ACOX3: variants seen among roughly 807,000 people sequenced by gnomAD.
The protein encoded by ACOX3 is peroxisomal acyl-coenzyme A oxidase 3.
ACOX3 carries 73 observed loss-of-function variants against 81.5 expected under a neutral mutation model. The ratio of observed to expected loss-of-function variants is 0.90; its 90% confidence interval spans 0.74 to 1.09. ACOX3 has a LOEUF of 1.09. Ranked by LOEUF, ACOX3 falls within the 50% of genes least tolerant of loss-of-function variation. The probability of loss-of-function intolerance (pLI) is 0.00; values close to 1 mark genes in which losing one functional copy is unlikely to be tolerated. For missense variants in ACOX3, 947 were observed against 928.0 expected (o/e 1.02, Z -0.27); for synonymous variants, 387 against 375.1 (o/e 1.03, Z -0.37).
In ACOX3 at chr4:8,430,162, C is replaced by T. The variant is rs1029217984; in HGVS notation, c.-15+10486G>A. Among the ~76,000 whole-genome samples the T allele has an allele frequency of 6.6e-6, 1 of 152,200 alleles. No homozygotes were observed. Among genetic ancestry groups the T allele is most frequent in the African/African-American group, 2.4e-5 (1 of 41,436 alleles). On this transcript the variant is annotated intron_variant, in intron 1 of 17. Transcript: ENST00000356406. This position sits in a 1 kb window ranked among gnomAD's most constrained non-coding sequence, Gnocchi z 5.2. ...GATTCCATGGCAACATTTTTCTTCA[C>T]AGTTATTACTGTTATTTAAACAGAC...
chr4:8,411,874 C>T (rs1023312039), intron 5 of ACOX3, among the ~76,000 whole-genome samples: 1 of 152,250 alleles, frequency 6.6e-6, no homozygotes, highest in African/African-American at 2.4e-5. Context: ...ACAACAGGTA[C>T]CCAGCAATGC....
chr4:8,357,136 C>G, the ACOX3 span: 2 of 456,156 alleles, frequency 4.4e-6, no homozygotes, highest in South Asian at 3.1e-5. Context: ...AAGATGATCC[C>G]GGCAGGTGAG....
intron 9 of ACOX3, 53 bp downstream of exon 9, chr4:8,396,884 G>T: frequency 1.9e-6 from 3 of 1,571,694 alleles, no homozygotes; most frequent in Non-Finnish European, 2.6e-6. Context: ...TAAAAGAAGT[G>T]AATTTGCATA....
At chr4:8,388,675 C>T (rs1052258054) in intron 13 of ACOX3, among the ~76,000 whole-genome samples, 1 of 152,220 alleles carries the variant, frequency 6.6e-6, no homozygotes, top group Non-Finnish European at 1.5e-5. Context: ...CCACCGCACC[C>T]ACAGGAGATG....
chr4:8,422,023 G>A (rs1159164893), intron 1 of ACOX3, among the ~76,000 whole-genome samples: 1 of 152,224 alleles, frequency 6.6e-6, no homozygotes, highest in African/African-American at 2.4e-5. Context: ...AAAGCGAATT[G>A]AGTAAATTAA....
Position 8,406,143 on chromosome 4 carries a change from A to G in ACOX3, c.688-100T>C, listed in dbSNP as rs995691777. On this transcript the variant is annotated intron_variant, in intron 6 of 17. Transcript: ENST00000356406. This position sits in a 1 kb window ranked among gnomAD's most constrained non-coding sequence, Gnocchi z 5.6. Reference sequence around the variant, plus strand: ...ACCCACAGGGTGGGCCATGGGCTCAACGCTGGGCGGCTGTGGGTTAAACCA... The same window carrying G: ...ACCCACAGGGTGGGCCATGGGCTCAGCGCTGGGCGGCTGTGGGTTAAACCA... 14 of 1,149,302 alleles carry G rather than the reference A, an allele frequency of 1.2e-5. No individual in the cohort carries two copies. Among genetic ancestry groups the G allele is most frequent in the Non-Finnish European group, 1.7e-5 (13 of 768,490 alleles). The allele number at this position is 1,149,302 out of a possible 1,614,324, so 71.2% of individuals were successfully genotyped here.
In ACOX3 at chr4:8,414,720, G is replaced by T; in HGVS notation, c.453+134C>A. ...AACAGTGCTAGCTATTTGGTGAGAA[G>T]CCTGAGAACACTAGGAAACAAGAAG... On this transcript the variant is annotated intron_variant, in intron 4 of 17. Coordinates refer to ENST00000356406, the MANE Select transcript of ACOX3 (RefSeq NM_003501.3). This position sits in a 1 kb window ranked among gnomAD's most constrained non-coding sequence, Gnocchi z 6.1. The T allele has an allele frequency of 1.2e-6, 1 of 834,158 alleles. No individual in the cohort carries two copies. The highest frequency in any genetic ancestry group is 2.0e-6 in the Non-Finnish European group (1 of 511,334). 51.7% of individuals were successfully genotyped at this position (834,158 alleles called of 1,614,324 possible).
In ACOX3 at chr4:8,416,825, G is replaced by A. The variant is rs555959261; in HGVS notation, c.-14-290C>T. On this transcript the variant is annotated intron_variant, in intron 1 of 17. Transcript: ENST00000356406. This position sits in a 1 kb window ranked among gnomAD's most constrained non-coding sequence, Gnocchi z 4.2. ...AGGGCAGAGGGTTTGTCAGAGTCTT[G>A]TTTTCTGTCACACAGCCTTGCCTGA... Among the ~76,000 whole-genome samples, 4 of 152,226 alleles carry A rather than the reference G, an allele frequency of 2.6e-5. No individual in the cohort carries two copies. The highest frequency in any genetic ancestry group is 4.4e-5 in the Non-Finnish European group (3 of 68,040).
chr4:8,435,030 G>T (rs1042992912), intron 1 of ACOX3, among the ~76,000 whole-genome samples: 1 of 152,046 alleles, frequency 6.6e-6, no homozygotes, highest in African/African-American at 2.4e-5. Flanking sequence ...AGCCCACTCC[G>T]CTAGAAACTG....
intron 14 of ACOX3, among the ~76,000 whole-genome samples, chr4:8,378,363 G>A (rs1346745184): frequency 6.6e-6 from 1 of 152,206 alleles, no homozygotes; most frequent in Non-Finnish European, 1.5e-5. Context: ...AACGTGAAAT[G>A]ACCCAGGTAC....
intron 1 of ACOX3, among the ~76,000 whole-genome samples, chr4:8,427,812 C>A (rs1051014024): frequency 3.3e-5 from 5 of 152,238 alleles, no homozygotes; most frequent in Admixed American, 3.3e-4. Context: ...GGTCTACTGT[C>A]TGGGCTGCTG....
the ACOX3 span, chr4:8,357,197 G>A: frequency 4.4e-6 from 2 of 456,678 alleles, no homozygotes; most frequent in South Asian, 3.1e-5. Context: ...CAGCAGGTGA[G>A]GGAAAGGAGA....
chr4:8,422,126 G>A (rs1723013055), intron 1 of ACOX3, among the ~76,000 whole-genome samples: 1 of 152,058 alleles, frequency 6.6e-6, no homozygotes, highest in Admixed American at 6.5e-5. Context: ...GAGAGAGAAT[G>A]AGAGGGAAAG....
intron 1 of ACOX3, among the ~76,000 whole-genome samples, chr4:8,440,358 GACA>G (rs893437499): frequency 2.6e-4 from 39 of 152,192 alleles, no homozygotes; most frequent in Non-Finnish European, 4.4e-5. Flanking sequence ...TCCCTCATGG[GACA>G]ACGTTACATC....
At chr4:8,388,352 T>C (rs908830286) in intron 13 of ACOX3, among the ~76,000 whole-genome samples, 1 of 152,256 alleles carries the variant, frequency 6.6e-6, no homozygotes, top group Non-Finnish European at 1.5e-5. Flanking sequence ...TTCTCCATCA[T>C]GCTGGCCGCC....
intron 1 of ACOX3, among the ~76,000 whole-genome samples, chr4:8,429,818 T>G (rs957501305): frequency 6.6e-6 from 1 of 152,218 alleles, no homozygotes; most frequent in African/African-American, 2.4e-5. Flanking sequence ...TTCTCTCATC[T>G]GCAGTCCCAA....
At chr4:8,435,428 G>A (rs1250680859) in intron 1 of ACOX3, among the ~76,000 whole-genome samples, 4 of 152,138 alleles carry the variant, frequency 2.6e-5, no homozygotes, top group East Asian at 3.9e-4. Context: ...CCTGGCAGGC[G>A]GAGCTTGCAG....
chr4:8,393,682 A>C (rs1357818780), intron 10 of ACOX3, among the ~76,000 whole-genome samples: 1 of 151,620 alleles, frequency 6.6e-6, no homozygotes, highest in African/African-American at 2.4e-5. Context: ...CCAGTGACCC[A>C]TTTTATGAGT....
chr4:8,410,252 G>A lies in ACOX3; in HGVS notation c.647C>T (p.Pro216Leu). 1 of 1,614,104 alleles carries A rather than the reference G, an allele frequency of 6.2e-7. No individual in the cohort carries two copies. The highest frequency in any genetic ancestry group is 8.5e-7 in the Non-Finnish European group (1 of 1,179,962). The change falls in exon 6 of 18, where the codon CCA (proline) becomes CTA (leucine). Residue 216 changes from proline (P) to leucine (L), a missense_variant. Physicochemically the swap from Pro to Leu is moderately conservative, Grantham distance 98. Transcript: ENST00000356406. ...HAVVFAKLCV[P>L]GDQCHGLHPF... ...ATGCAGCCCATGGCACTGGTCCCCTGGCACACACAGCTTAGCAAACACCAC... is the reference window on the plus strand; with the variant it reads ...ATGCAGCCCATGGCACTGGTCCCCTAGCACACACAGCTTAGCAAACACCAC...
Sources: gnomAD v4.1 joint callset for allele counts (sites outside exome capture counted in the v4.1 genomes callset) on GRCh38, gnomAD v4.1.1 for gene constraint, Gnocchi (gnomAD v3.1) non-coding constraint, MANE v1.5 for transcripts, NCBI Gene and HGNC (gene_info 2026-07-23, HGNC 2026-07-21) for gene names.